The following KCTD5 variants were observed in gnomAD, a reference collection of about 807,000 sequenced individuals.
KCTD5 encodes BTB/POZ domain-containing protein KCTD5.
A neutral mutation model predicts 27.9 loss-of-function variants in KCTD5; 12 were observed. The ratio of observed to expected loss-of-function variants is 0.43; its 90% CI spans 0.28 to 0.70. The LOEUF is 0.70. Among genes scored for constraint, KCTD5 ranks in the 30% least tolerant of loss-of-function variants. The pLI is 0.19. For missense variants in KCTD5, 226 were observed against 274.8 expected, an observed-to-expected ratio of 0.82 and a Z score of 1.26; for synonymous variants, 147 against 121.4, an observed-to-expected ratio of 1.21 and a Z score of -1.39.
chr16:2,703,883 C>G (rs2067623333), intron 5 of KCTD5, among the ~76,000 whole-genome samples: 1 of 152,208 alleles, frequency 6.6e-6, no homozygotes, highest in African/African-American at 2.4e-5. Flanking sequence ...GGAGGCGACC[C>G]CTGGCTCCCT....
intron 5 of KCTD5, among the ~76,000 whole-genome samples, 159 bp from the exon 6 acceptor site, chr16:2,707,139 C>T (rs1021891746): frequency 2.6e-5 from 4 of 152,102 alleles, no homozygotes; most frequent in African/African-American, 9.7e-5. Flanking sequence ...AGGTCCTGGG[C>T]CTGCCAGCTG....
intron 5 of KCTD5, among the ~76,000 whole-genome samples, chr16:2,704,684 A>G (rs1458985553): frequency 6.6e-6 from 1 of 152,126 alleles, no homozygotes; most frequent in Non-Finnish European, 1.5e-5. Context: ...TTGGGGCTCC[A>G]TTGCGTAGCC....
intron 5 of KCTD5, among the ~76,000 whole-genome samples, chr16:2,706,987 G>A (rs2067639755): frequency 6.6e-6 from 1 of 152,064 alleles, no homozygotes; most frequent in East Asian, 1.9e-4. Context: ...CGCGGGCCGA[G>A]TTGCGCTTCA....
intron 1 of KCTD5, among the ~76,000 whole-genome samples, chr16:2,693,619 C>T (rs2067576656): frequency 6.6e-6 from 1 of 152,254 alleles, no homozygotes; most frequent in African/African-American, 2.4e-5. Flanking sequence ...CCCTCCTTCC[C>T]TCCTGCCTTC....
At chr16:2,685,843 C>G (rs2067538108) in intron 1 of KCTD5, 1 of 150,784 alleles carries the variant, frequency 6.6e-6, no homozygotes, top group Non-Finnish European at 1.5e-5. Context: ...GAGTCCCTGC[C>G]TGGATTATTA....
chr16:2,708,507 G>A lies in KCTD5; in HGVS notation c.*1180G>A, dbSNP rs1360677908. 5 of 152,302 alleles carry A rather than the reference G, an allele frequency of 3.3e-5. No homozygotes were observed. The highest frequency in any genetic ancestry group is 2.1e-4 in the South Asian group (1 of 4,836). The allele number at this position is 152,302 out of a possible 1,614,324, so 9.4% of individuals were successfully genotyped here. On this transcript the variant is annotated 3_prime_UTR_variant, in exon 6 of 6. Coordinates refer to ENST00000301738, the MANE Select transcript of KCTD5 (RefSeq NM_018992.4). ...CCAAGCGCTTTGCTTCCGGAACTCC[G>A]GCTTCCCAAGGGGTACTGTGCAGAC...
At chr16:2,692,830 A>C (rs1428778251) in intron 1 of KCTD5, among the ~76,000 whole-genome samples, 1 of 152,234 alleles carries the variant, frequency 6.6e-6, no homozygotes, top group Non-Finnish European at 1.5e-5. Context: ...AATAGGAGTA[A>C]GCCAGGCAGT....
rs772719335 is a variant in KCTD5 at position 2,682,649 on chromosome 16, C to A, written c.101C>A (p.Ala34Asp). 1 of 1,593,874 alleles carries A rather than the reference C, an allele frequency of 6.3e-7. No individual in the cohort carries two copies. Among genetic ancestry groups the A allele is most frequent in the African/African-American group, 1.4e-5 (1 of 72,570 alleles). ...LCRRCSAGLG[A>D]LAQRPGSVSK... is the part of the protein sequence containing the mutation. ...CGCCGCTGCAGCGCTGGGCTCGGCG[C>A]CCTGGCCCAGCGCCCTGGCAGCGTG... Residue 34 changes from alanine (A) to aspartate (D), a missense_variant, in exon 1 of 6, where the codon GCC becomes GAC. Ala to Asp is a moderately radical substitution (Grantham distance 126, BLOSUM62 -2). Transcript: ENST00000301738.
intron 1 of KCTD5, among the ~76,000 whole-genome samples, chr16:2,693,669 G>C (rs1292122398): frequency 6.6e-6 from 1 of 152,248 alleles, no homozygotes; most frequent in Non-Finnish European, 1.5e-5. Context: ...TCGTGTGTCT[G>C]GGGGCGCCCA....
intron 1 of KCTD5, among the ~76,000 whole-genome samples, chr16:2,693,016 TGCAGCCCCAG>T (rs1258896350): frequency 6.6e-6 from 1 of 152,230 alleles, no homozygotes; most frequent in Non-Finnish European, 1.5e-5. Flanking sequence ...ACCCCAGGGC[TGCAGCCCCAG>T]GCAGCCCCAC....
At chr16:2,706,865 G>A (rs1202628152) in intron 5 of KCTD5, among the ~76,000 whole-genome samples, 1 of 151,580 alleles carries the variant, frequency 6.6e-6, no homozygotes, top group Non-Finnish European at 1.5e-5. Context: ...CTTGGGTGAG[G>A]GGCATCTCCA....
At chr16:2,692,038 A>G (rs1596221739) in intron 1 of KCTD5, among the ~76,000 whole-genome samples, 1 of 152,074 alleles carries the variant, frequency 6.6e-6, no homozygotes, top group Admixed American at 6.5e-5. Flanking sequence ...AGCTCCAGGG[A>G]CTGAGACGAG....
In KCTD5 at chr16:2,700,803, G is replaced by GCC. The variant is rs3030702; in HGVS notation, c.549+897_549+898dup. ...TAGATCACATTGTAGGGTACTTGGAGCCCCCCCCCCCTTAAAATGTCACTA... is the reference window on the plus strand; with the variant it reads ...TAGATCACATTGTAGGGTACTTGGAGCCCCCCCCCCCCCTTAAAATGTCACTA... On this transcript the variant is annotated intron_variant, in intron 4 of 5. Coordinates refer to ENST00000301738, the MANE Select transcript of KCTD5 (RefSeq NM_018992.4). 9.9e-3 allele frequency among the ~76,000 whole-genome samples: 1,453 copies of GCC among 146,408 alleles called. 13 individuals carry two copies. The highest frequency in any genetic ancestry group is 0.013 in the Non-Finnish European group (865 of 66,364).
At chr16:2,703,021 G>A (rs2067619568) in intron 5 of KCTD5, among the ~76,000 whole-genome samples, 1 of 151,958 alleles carries the variant, frequency 6.6e-6, no homozygotes, top group African/African-American at 2.4e-5. Flanking sequence ...GCACAGAGTA[G>A]GCCCTTTGCG....
At position 2,693,811 on chromosome 16, in the gene KCTD5, G is replaced by A. The variant is rs532263752; in HGVS notation, c.253-2124G>A. ...GTGCCCTGGCACTCATGGCGGCCCC[G>A]AGCTACACGAGCTGGTCTCCCCCAC... On this transcript the variant is annotated intron_variant, in intron 1 of 5. Transcript: ENST00000301738. Among the ~76,000 whole-genome samples the A allele has an allele frequency of 9.9e-3, 1,493 of 151,522 alleles. 19 individuals are homozygous for A. Among genetic ancestry groups the A allele is most frequent in the African/African-American group, 0.034 (1,396 of 41,300 alleles).
chr16:2,707,111 T>C (rs376188069), intron 5 of KCTD5, among the ~76,000 whole-genome samples, 187 bp from the exon 6 acceptor site: 1 of 152,038 alleles, frequency 6.6e-6, no homozygotes, highest in African/African-American at 2.4e-5. Context: ...CCTGGAGATG[T>C]GCCAGACACC....
chr16:2,687,805 G>C (rs1440126331), intron 1 of KCTD5, among the ~76,000 whole-genome samples: 1 of 152,156 alleles, frequency 6.6e-6, no homozygotes, highest in African/African-American at 2.4e-5. Flanking sequence ...GGAAGAACCT[G>C]CCTGCCTGGC....
At chr16:2,705,926 C>G (rs529157518) in intron 5 of KCTD5, among the ~76,000 whole-genome samples, 1 of 152,302 alleles carries the variant, frequency 6.6e-6, no homozygotes, top group East Asian at 1.9e-4. Flanking sequence ...CCCGGATGCT[C>G]AGATGCCACA....
chr16:2,684,764 C>CA lies in KCTD5; in HGVS notation c.252+1977dup, dbSNP rs1408507684. 5.5e-3 allele frequency: 704 copies of CA among 127,142 alleles called. 12 individuals are homozygous for CA. Among genetic ancestry groups the CA allele is most frequent in the African/African-American group, 0.017 (533 of 32,024 alleles). 7.9% of individuals were successfully genotyped at this position (127,142 alleles called of 1,614,324 possible). A position where few individuals can be genotyped will look rare whatever the true frequency, so the allele number is the denominator to read the frequency against. ...TGGGTGAAAGAGCAAGACTCCATCACAAAAAAAAAAAAATAAAAAAAAAAT... is the reference window on the plus strand; with the variant it reads ...TGGGTGAAAGAGCAAGACTCCATCACAAAAAAAAAAAAAATAAAAAAAAAAT... On this transcript the variant is annotated intron_variant, in intron 1 of 5. Coordinates refer to ENST00000301738, the MANE Select transcript of KCTD5 (RefSeq NM_018992.4).
Sources: gnomAD v4.1 joint callset for allele counts (sites outside exome capture counted in the v4.1 genomes callset) on GRCh38, gnomAD v4.1.1 for gene constraint, MANE v1.5 for transcripts, NCBI Gene and HGNC (gene_info 2026-07-23, HGNC 2026-07-21) for gene names.